The following LGR4 variants were observed in gnomAD, a reference collection of about 807,000 sequenced individuals.
LGR4 encodes leucine rich repeat containing G protein-coupled receptor 4, also known as leucine-rich repeat-containing G protein-coupled receptor 4.
Under a neutral mutation model 84.8 loss-of-function variants are expected in LGR4, and 44 were observed. The ratio of observed to expected loss-of-function variants is 0.52; its 90% CI spans 0.41 to 0.67. The LOEUF (loss-of-function observed/expected upper bound fraction) is 0.67. Among genes scored for constraint, LGR4 ranks in the 30% least tolerant of loss-of-function variants. The pLI is 0.00. For missense variants in LGR4, 1,032 were observed against 1,131.4 expected (o/e 0.91, Z 1.26); for synonymous variants, 429 against 434.3 (o/e 0.99, Z 0.15).
rs1864888022 is a variant in LGR4, at chr11:27,472,122, C to T, written c.181G>A (p.Ala61Thr). The change falls in exon 1 of 18, where the codon GCG becomes ACG. Residue 61 changes from alanine to threonine, a missense_variant. By Grantham distance (58) the Ala-to-Thr change is moderately conservative. Coordinates refer to ENST00000379214, the MANE Select transcript of LGR4 (RefSeq NM_018490.5). ...VPEGLSAFTQ[A>T]LDISMNNITQ... ...GTCCCCGCCGCCCGCACTCACAGCGCTTGGGTGAAGGCGCTGAGCCCCTCG... is the reference window on the plus strand; with the variant it reads ...GTCCCCGCCGCCCGCACTCACAGCGTTTGGGTGAAGGCGCTGAGCCCCTCG... The T allele has an allele frequency of 7.7e-7, 1 of 1,295,406 alleles. No individual in the cohort carries two copies. Among genetic ancestry groups the T allele is most frequent in the South Asian group, 1.7e-5 (1 of 57,788 alleles). The allele number at this position is 1,295,406 out of a possible 1,614,324, so 80.2% of individuals were successfully genotyped here.
At chr11:27,429,511 A>AGGGGAGGG (rs1554968991) in intron 1 of LGR4, among the ~76,000 whole-genome samples, 1 of 151,376 alleles carries the variant, frequency 6.6e-6, no homozygotes, top group African/African-American at 2.4e-5. Context: ...AGAAACAGGA[A>AGGGGAGGG]GGGGAGGTGG....
chr11:27,433,196 G>T (rs1864142596), intron 1 of LGR4, among the ~76,000 whole-genome samples: 1 of 152,052 alleles, frequency 6.6e-6, no homozygotes, highest in South Asian at 2.1e-4. Flanking sequence ...CAGTCACAGG[G>T]AACACTCGTC....
At position 27,395,557 on chromosome 11, in the gene LGR4, C is replaced by T. The variant is rs541276514; in HGVS notation, c.258-3039G>A. On this transcript the variant is annotated intron_variant, in intron 2 of 17. Transcript: ENST00000379214. ...AGCATTCTCTTTCTCCTCTATTTATCTTTAATATAAATGACAAAATGAGCT... is the reference window on the plus strand; with the variant it reads ...AGCATTCTCTTTCTCCTCTATTTATTTTTAATATAAATGACAAAATGAGCT... Among the ~76,000 whole-genome samples the T allele has an allele frequency of 2.4e-4, 37 of 152,246 alleles. No homozygotes were observed. The South Asian group carries it at 7.7e-3, about 32-fold the overall frequency.
At chr11:27,424,892 C>T (rs1863993395) in intron 1 of LGR4, among the ~76,000 whole-genome samples, 1 of 152,126 alleles carries the variant, frequency 6.6e-6, no homozygotes, top group South Asian at 2.1e-4. Context: ...GGATTATAGG[C>T]ACGTGCCACC....
Position 27,371,691 on chromosome 11 carries a change from A to G in LGR4, c.1503T>C (p.Ala501=). The change falls in exon 17 of 18, where the codon GCT becomes GCC. Residue 501 remains alanine (A), a synonymous_variant. Transcript: ENST00000379214. ...GAGTGCTTGTGACATTTGCTGCATC[A>G]GCAGTACCTGAACATATAACACAAA... ...DHSVAQEKGT[A]DAANVTSTLE... 9 of 1,609,960 alleles carry G rather than the reference A, an allele frequency of 5.6e-6. No individual in the cohort carries two copies. Among genetic ancestry groups the G allele is most frequent in the Non-Finnish European group, 7.6e-6 (9 of 1,176,890 alleles).
intron 2 of LGR4, among the ~76,000 whole-genome samples, chr11:27,405,491 T>A (rs1189133850): frequency 1.3e-5 from 2 of 152,136 alleles, no homozygotes; most frequent in Non-Finnish European, 2.9e-5. Context: ...TATTCTATAA[T>A]CTATGCCCTT....
intron 1 of LGR4, among the ~76,000 whole-genome samples, chr11:27,460,788 T>A (rs1210162994): frequency 6.6e-6 from 1 of 152,180 alleles, no homozygotes; most frequent in South Asian, 2.1e-4. Flanking sequence ...GTGACATGGC[T>A]ATTGAAAGCA....
At chr11:27,454,365 A>C (rs1864535509) in intron 1 of LGR4, among the ~76,000 whole-genome samples, 1 of 152,226 alleles carries the variant, frequency 6.6e-6, no homozygotes, top group Non-Finnish European at 1.5e-5. Context: ...TGGCAAAATA[A>C]ACTTTCTAAA....
At chr11:27,390,104 T>C (rs1863255536) in intron 4 of LGR4, among the ~76,000 whole-genome samples, 1 of 152,204 alleles carries the variant, frequency 6.6e-6, no homozygotes, top group Admixed American at 6.6e-5. Flanking sequence ...GAATATCTAA[T>C]CTAAAATCAA....
chr11:27,436,356 A>G (rs919937142), intron 1 of LGR4, among the ~76,000 whole-genome samples: 5 of 142,800 alleles, frequency 3.5e-5, no homozygotes, highest in Admixed American at 2.1e-4. Flanking sequence ...AGAGAAAGAA[A>G]GAAAGAAAGA....
At chr11:27,414,219 T>C (rs1863768427) in intron 1 of LGR4, among the ~76,000 whole-genome samples, 1 of 151,842 alleles carries the variant, frequency 6.6e-6, no homozygotes, top group African/African-American at 2.4e-5. Context: ...AAACGATGAG[T>C]CTTCTTAAGT....
In LGR4 at chr11:27,371,668, G is replaced by C. The variant is rs944266223; in HGVS notation, c.1526C>G (p.Thr509Ser). 17 of 1,613,248 alleles carry C rather than the reference G, an allele frequency of 1.1e-5. No individual in the cohort carries two copies. Among genetic ancestry groups the C allele is most frequent in the Middle Eastern group, 3.4e-4 (2 of 5,930 alleles). The change falls in exon 17 of 18, where the codon ACT (threonine) becomes AGT (serine). Residue 509 changes from threonine to serine, a missense_variant. Coordinates refer to ENST00000379214, the MANE Select transcript of LGR4 (RefSeq NM_018490.5). ...GTADAANVTS[T>S]LENEEHSQII... The stretch of plus-strand genomic sequence containing the variant: ...TTGACTATGTTCTTCATTTTCAAGA[G>C]TGCTTGTGACATTTGCTGCATCAGC...
intron 17 of LGR4, among the ~76,000 whole-genome samples, chr11:27,370,552 A>G (rs1862862123): frequency 6.6e-6 from 1 of 152,216 alleles, no homozygotes; most frequent in South Asian, 2.1e-4. Context: ...CTTCTGCAGC[A>G]AGCACATCAG....
In LGR4 at chr11:27,385,251, A is replaced by G; in HGVS notation, c.617+2T>C. The stretch of plus-strand genomic sequence containing the variant: ...ATGGAATTAAAAGGGATAGATACTT[A>G]CAGAACTACCAGGCTTGAAAGGTTG... On this transcript the variant is annotated splice_donor_variant, in intron 5 of 17. Transcript: ENST00000379214. LOFTEE classifies it high-confidence loss of function. The G allele has an allele frequency of 6.5e-7, 1 of 1,540,284 alleles. No individual in the cohort carries two copies. The highest frequency in any genetic ancestry group is 8.8e-7 in the Non-Finnish European group (1 of 1,137,158).
At chr11:27,387,322 A>G (rs547918776) in intron 4 of LGR4, among the ~76,000 whole-genome samples, 3 of 152,188 alleles carry the variant, frequency 2.0e-5, no homozygotes, top group Admixed American at 6.5e-5. Context: ...TTACAAAATG[A>G]TAACAAATAC....
intron 1 of LGR4, among the ~76,000 whole-genome samples, chr11:27,423,955 AC>A (rs1863971422): frequency 1.3e-5 from 2 of 152,346 alleles, no homozygotes; most frequent in African/African-American, 4.8e-5. Context: ...ACACACCCAG[AC>A]ACAAACATAA....
At chr11:27,397,905 A>G (rs1163703691) in intron 2 of LGR4, among the ~76,000 whole-genome samples, 1 of 152,232 alleles carries the variant, frequency 6.6e-6, no homozygotes, top group Non-Finnish European at 1.5e-5. Context: ...GCAAAGACAG[A>G]GAATGGAGAG....
intron 1 of LGR4, among the ~76,000 whole-genome samples, chr11:27,425,516 G>T (rs1236702945): frequency 6.6e-6 from 1 of 151,934 alleles, no homozygotes; most frequent in Non-Finnish European, 1.5e-5. Flanking sequence ...TAGAGACAGG[G>T]TCTTGCTTTG....
chr11:27,448,692 G>A (rs961833270), intron 1 of LGR4, among the ~76,000 whole-genome samples: 7 of 152,188 alleles, frequency 4.6e-5, no homozygotes, highest in African/African-American at 7.2e-5. Context: ...CTAATTTCAT[G>A]AGTCTGAATA....
Sources: allele counts gnomAD v4.1 joint callset (sites outside exome capture counted in the v4.1 genomes callset), GRCh38; gene constraint gnomAD v4.1.1; transcripts MANE v1.5; gene names NCBI Gene and HGNC (gene_info 2026-07-23, HGNC 2026-07-21).